CCNB3: variants seen among roughly 807,000 people sequenced by gnomAD.
CCNB3 encodes G2/mitotic-specific cyclin-B3.
Under a neutral mutation model 68.0 loss-of-function variants are expected in CCNB3, and 12 were observed. The observed-to-expected ratio is 0.18, with a 90% CI of 0.11 to 0.29. The LOEUF (loss-of-function observed/expected upper bound fraction) is 0.29, where lower values mean the gene tolerates loss of function less well. CCNB3 is among the 10% of genes least tolerant of loss of function. The pLI is 1.00. For synonymous variants in CCNB3, 354 were observed against 388.9 expected, an observed-to-expected ratio of 0.91 and a Z score of 1.06; for missense variants, 904 against 993.1, an observed-to-expected ratio of 0.91 and a Z score of 1.21.
At chrX:50,220,356 G>T (rs1315520087) in intron 1 of CCNB3, among the ~76,000 whole-genome samples, 1 of 111,731 alleles carries the variant, frequency 9.0e-6, no homozygotes, top group East Asian at 2.8e-4. Flanking sequence ...GGTTTTCAAA[G>T]GGAATGTTTC....
At chrX:50,322,706 T>G (rs1181952624) in intron 8 of CCNB3, among the ~76,000 whole-genome samples, 10 of 111,425 alleles carry the variant, frequency 9.0e-5, no homozygotes, top group African/African-American at 2.9e-4. Context: ...AATCTACAAA[T>G]AACTCAAACA....
chrX:50,285,230 G>A lies in CCNB3; in HGVS notation c.67G>A (p.Val23Met). ...TAAGAAATCTCAGTCCAGCAAAATT[G>A]TGCCCAGTCATCATGACCCATCTGA... ...VPKKSQSSKI[V>M]PSHHDPSEKT... Residue 23 changes from valine to methionine, a missense_variant, in exon 3 of 13, where the codon GTG (valine) becomes ATG (methionine). By Grantham distance (21) the Val-to-Met change is conservative. Coordinates refer to ENST00000376042, the MANE Select transcript of CCNB3 (RefSeq NM_033031.3). 8.3e-7 allele frequency: 1 copy of A among 1,209,810 alleles called. No individual in the cohort carries two copies. The highest frequency in any genetic ancestry group is 1.1e-6 in the Non-Finnish European group (1 of 893,973).
At chrX:50,344,643 C>T (rs1923307847) in intron 9 of CCNB3, among the ~76,000 whole-genome samples, 1 of 111,804 alleles carries the variant, frequency 8.9e-6, no homozygotes, top group Non-Finnish European at 1.9e-5. Context: ...CCATCCCCAT[C>T]TAGTGGAGTC....
At chrX:50,350,306 C>T (rs181456012) in intron 11 of CCNB3, among the ~76,000 whole-genome samples, 54 of 109,458 alleles carry the variant, frequency 4.9e-4, no homozygotes, top group African/African-American at 1.8e-3. Flanking sequence ...ATGGAATTAC[C>T]GTAATAATCC....
intron 8 of CCNB3, among the ~76,000 whole-genome samples, chrX:50,325,816 T>C (rs1557217230): frequency 8.9e-6 from 1 of 111,833 alleles, no homozygotes; most frequent in African/African-American, 3.2e-5. Flanking sequence ...ATAACCCTTT[T>C]CTCCTAACTC....
chrX:50,307,096 G>T (rs1394517527), intron 5 of CCNB3, among the ~76,000 whole-genome samples: 1 of 111,868 alleles, frequency 8.9e-6, no homozygotes, highest in African/African-American at 3.2e-5. Flanking sequence ...ACTTTACTTT[G>T]TGAGTAGTTT....
chrX:50,310,690 A>C lies in CCNB3; in HGVS notation c.2521A>C (p.Lys841Gln), dbSNP rs782364681. Residue 841 changes from lysine to glutamine, a missense_variant, in exon 6 of 13, where the codon AAG becomes CAG. Transcript: ENST00000376042. ...CTTGCAGGAGGAGCCCAGCACTGAG[A>C]AGGAGGCTGTCCTCAAGGAGCCCAG... is the stretch of plus-strand genomic sequence containing the variant. ...LALQEEPSTE[K>Q]EAVLKEPSVD... 1.7e-6 allele frequency: 2 copies of C among 1,208,905 alleles called. No homozygotes were observed. The highest frequency in any genetic ancestry group is 2.2e-6 in the Non-Finnish European group (2 of 894,495).
Position 50,314,826 on chromosome X carries a change from T to C in CCNB3, c.3516+878T>C, listed in dbSNP as rs1246630664. ...ATCATTGCCAAGCTGGAAAGAAATT[T>C]CTAGTGACTGCCATTGGACTTTGTT... On this transcript the variant is annotated intron_variant, in intron 8 of 12. Transcript: ENST00000376042. Among the ~76,000 whole-genome samples, 4 of 111,332 alleles carry C rather than the reference T, an allele frequency of 3.6e-5. No individual in the cohort carries two copies. In the South Asian group the frequency reaches 1.1e-3, roughly 32 times the overall value.
At position 50,311,067 on chromosome X, in the gene CCNB3, G is replaced by T. The variant is rs1557214835; in HGVS notation, c.2898G>T (p.Leu966Phe). ...TYKEDTFLKT[L>F]LVPQVGTSPN... ...AGGAAGACACCTTTCTCAAAACATT[G>T]TTGGTCCCCCAAGTTGGAACCAGCC... The change falls in exon 6 of 13, where the codon TTG becomes TTT. Residue 966 changes from leucine to phenylalanine, a missense_variant. Leu to Phe is a conservative substitution (Grantham distance 22). Coordinates refer to ENST00000376042, the MANE Select transcript of CCNB3 (RefSeq NM_033031.3). 3 of 1,201,169 alleles carry T rather than the reference G, an allele frequency of 2.5e-6. No individual in the cohort carries two copies. Among genetic ancestry groups the T allele is most frequent in the Middle Eastern group, 2.3e-4 (1 of 4,325 alleles).
Position 50,347,662 on chromosome X carries a change from C to T in CCNB3, c.3847C>T (p.Arg1283Cys). Residue 1283 changes from arginine to cysteine, a missense_variant, in exon 11 of 13, where the codon CGC (arginine) becomes TGC (cysteine). Physicochemically the swap from Arg to Cys is radical, Grantham distance 180. This residue lies in a region of CCNB3 where 285 missense variants were observed against 383.4 expected (regional missense o/e 0.74). Coordinates refer to ENST00000376042, the MANE Select transcript of CCNB3 (RefSeq NM_033031.3). ...CAACATGAAGACACTGACCTTGTCCCGCTACATCTGCGAGATGACCCTGCA... is the reference window on the plus strand; with the variant it reads ...CAACATGAAGACACTGACCTTGTCCTGCTACATCTGCGAGATGACCCTGCA... ...HTNMKTLTLS[R>C]YICEMTLQEY... The T allele has an allele frequency of 1.7e-6, 2 of 1,210,245 alleles. No individual in the cohort carries two copies. The highest frequency in any genetic ancestry group is 1.8e-5 in the South Asian group (1 of 56,832).
intron 1 of CCNB3, among the ~76,000 whole-genome samples, chrX:50,279,979 G>A (rs1190948176): frequency 3.9e-5 from 3 of 76,591 alleles, no homozygotes; most frequent in Admixed American, 1.9e-4. Flanking sequence ...TATAATATAT[G>A]TAGAATATAT....
chrX:50,222,609 G>T (rs1043818880), intron 1 of CCNB3, among the ~76,000 whole-genome samples: 2 of 111,550 alleles, frequency 1.8e-5, no homozygotes, highest in African/African-American at 3.3e-5. Flanking sequence ...CTCTCTTCTG[G>T]CCTATAGGGT....
rs1309689659 is a variant in CCNB3, at chrX:50,226,852, G to T, written c.-113+21902G>T. 1.4e-4 allele frequency among the ~76,000 whole-genome samples: 10 copies of T among 70,871 alleles called. No homozygotes were observed. In the South Asian group the frequency reaches 6.5e-3, roughly 46 times the overall value. The allele number at this position is 70,871 out of a possible 115,157, so 61.5% of individuals were successfully genotyped here. A position where few individuals can be genotyped will look rare whatever the true frequency, so the allele number is the denominator to read the frequency against. The stretch of plus-strand genomic sequence containing the variant: ...CATGAATATATATAGTATATATATA[G>T]AATATATATAGAATATATAGAATAT... On this transcript the variant is annotated intron_variant, in intron 1 of 12. Coordinates refer to ENST00000376042, the MANE Select transcript of CCNB3 (RefSeq NM_033031.3).
chrX:50,320,555 T>C (rs1921962658), intron 8 of CCNB3, among the ~76,000 whole-genome samples: 1 of 110,520 alleles, frequency 9.0e-6, no homozygotes, highest in South Asian at 3.7e-4. Context: ...TTTTCTTTAT[T>C]TTTCTGTTTT....
At position 50,210,586 on chromosome X, in the gene CCNB3, A is replaced by G. The variant is rs887340520; in HGVS notation, c.-113+5636A>G. ...CATCCCAATGGGTTACTTGTCTACA[A>G]TGATGACCTTTACGAGAATATATTC... On this transcript the variant is annotated intron_variant, in intron 1 of 12. Transcript: ENST00000376042. Among the ~76,000 whole-genome samples, 22 of 111,625 alleles carry G rather than the reference A, an allele frequency of 2.0e-4. No homozygotes were observed. The South Asian group carries it at 4.1e-3, about 21-fold the overall frequency.
chrX:50,310,068 G>T lies in CCNB3; in HGVS notation c.1899G>T (p.Lys633Asn), dbSNP rs782567077. 1 of 1,208,626 alleles carries T rather than the reference G, an allele frequency of 8.3e-7. No homozygotes were observed. The highest frequency in any genetic ancestry group is 1.1e-6 in the Non-Finnish European group (1 of 894,177). The change falls in exon 6 of 13, where the codon AAG becomes AAT. Residue 633 changes from lysine to asparagine, a missense_variant. Lys to Asn is a moderately conservative substitution (Grantham distance 94). This residue lies in a region of CCNB3 where 619 missense variants were observed against 609.8 expected (regional missense o/e 1.02). Coordinates refer to ENST00000376042, the MANE Select transcript of CCNB3 (RefSeq NM_033031.3). ...PFKMKSTTEE[K>N]FLSQEPSALK... is the part of the protein sequence containing the mutation. ...AGATGAAATCTACAACGGAAGAAAA[G>T]TTCCTCTCCCAGGAACCATCTGCAT...
intron 1 of CCNB3, among the ~76,000 whole-genome samples, chrX:50,209,443 C>T (rs1935443748): frequency 9.0e-6 from 1 of 110,709 alleles, no homozygotes; most frequent in Admixed American, 9.6e-5. Flanking sequence ...GCAACCTCTG[C>T]CTCCTGGGTT....
At chrX:50,304,760 CA>C (rs1189973866) in intron 5 of CCNB3, among the ~76,000 whole-genome samples, 1 of 111,459 alleles carries the variant, frequency 9.0e-6, no homozygotes, top group Non-Finnish European at 1.9e-5. Flanking sequence ...ACTCATCTGA[CA>C]AAGGGCTAAT....
At position 50,310,076 on chromosome X, in the gene CCNB3, C is replaced by T; in HGVS notation, c.1907C>T (p.Ser636Phe). The change falls in exon 6 of 13, where the codon TCC (serine) becomes TTC (phenylalanine). Residue 636 changes from serine to phenylalanine, a missense_variant. Transcript: ENST00000376042. ...TCTACAACGGAAGAAAAGTTCCTCT[C>T]CCAGGAACCATCTGCATTGAAAGAG... ...MKSTTEEKFLSQEPSALKEKH... is the reference protein window; with the variant it reads ...MKSTTEEKFLFQEPSALKEKH... 1.7e-6 allele frequency: 2 copies of T among 1,209,259 alleles called. No individual in the cohort carries two copies. Among genetic ancestry groups the T allele is most frequent in the South Asian group, 1.8e-5 (1 of 56,658 alleles).
Sources: gnomAD v4.1 joint callset for allele counts (sites outside exome capture counted in the v4.1 genomes callset) on GRCh38, gnomAD v4.1.1 for gene constraint, gnomAD v4.1.1 regional missense constraint, MANE v1.5 for transcripts, NCBI Gene and HGNC (gene_info 2026-07-23, HGNC 2026-07-21) for gene names.